LSAMP: variants seen among roughly 807,000 people sequenced by gnomAD.
LSAMP encodes limbic system associated membrane protein, also known as limbic system-associated membrane protein.
Under a neutral mutation model 38.6 loss-of-function variants are expected in LSAMP, and 7 were observed. The ratio of observed to expected loss-of-function variants is 0.18; its 90% CI spans 0.10 to 0.34. The LOEUF is 0.34. Ranked by LOEUF, LSAMP falls within the 10% of genes least tolerant of loss-of-function variation. The probability of loss-of-function intolerance (pLI) is 1.00; values close to 1 mark genes in which losing one functional copy is unlikely to be tolerated. For synonymous variants in LSAMP, 154 were observed against 166.8 expected, an observed-to-expected ratio of 0.92 and a Z score of 0.59; for missense variants, 313 against 420.0, an observed-to-expected ratio of 0.75 and a Z score of 2.23.
chr3:116,270,145 C>T (rs1317275869), intron 1 of LSAMP, among the ~76,000 whole-genome samples: 2 of 152,104 alleles, frequency 1.3e-5, no homozygotes, highest in Non-Finnish European at 2.9e-5. Context: ...AAGCAATATA[C>T]ATTTTAGGTC....
intron 3 of LSAMP, among the ~76,000 whole-genome samples, chr3:115,875,352 T>C (rs1319792251): frequency 6.6e-6 from 1 of 152,130 alleles, no homozygotes; most frequent in Non-Finnish European, 1.5e-5. Context: ...AGTGAAATAT[T>C]AAAGTAGGGG....
At chr3:115,820,020 CACTT>C (rs1342782554) in intron 6 of LSAMP, among the ~76,000 whole-genome samples, 3 of 141,626 alleles carry the variant, frequency 2.1e-5, no homozygotes, top group East Asian at 3.9e-4. Flanking sequence ...GAGAAATAAA[CACTT>C]TTTTTTTTTT....
At chr3:115,852,770 C>G (rs1195814257) in intron 3 of LSAMP, among the ~76,000 whole-genome samples, 153 bp from the exon 4 acceptor site, 1 of 152,008 alleles carries the variant, frequency 6.6e-6, no homozygotes, top group Non-Finnish European at 1.5e-5. Flanking sequence ...AAGCAGACCT[C>G]AAGACAAAAA....
chr3:116,072,909 A>T (rs2107385940), intron 2 of LSAMP, among the ~76,000 whole-genome samples: 1 of 152,172 alleles, frequency 6.6e-6, no homozygotes. Context: ...CTTTAGTTTA[A>T]TTAGATCCTA....
intron 3 of LSAMP, among the ~76,000 whole-genome samples, chr3:115,933,483 C>A (rs1393960038): frequency 2.6e-5 from 4 of 152,118 alleles, no homozygotes; most frequent in Non-Finnish European, 5.9e-5. Context: ...AAATTATTAA[C>A]ATTAAGAGAA....
rs140551463 is a variant in LSAMP, at chr3:116,214,962, C to T, written c.156-128406G>A. Among the ~76,000 whole-genome samples, 310 of 152,180 alleles carry T rather than the reference C, an allele frequency of 2.0e-3. 3 individuals are homozygous for T. The highest frequency in any genetic ancestry group is 0.01 in the Middle Eastern group (3 of 290). On this transcript the variant is annotated intron_variant, in intron 1 of 6. Coordinates refer to ENST00000490035, the MANE Select transcript of LSAMP (RefSeq NM_002338.5). ...AAGTCTTAGAAGGACTGGAAGTTAA[C>T]GAAATAACCACCCTCTCCAAGAAAT...
intron 1 of LSAMP, among the ~76,000 whole-genome samples, chr3:116,096,735 C>T (rs1026299642): frequency 5.9e-5 from 9 of 152,144 alleles, no homozygotes; most frequent in African/African-American, 1.7e-4. Context: ...GCTTTGTGAT[C>T]CCCTGAGATC....
chr3:116,424,534 A>G (rs2049169372), intron 1 of LSAMP, among the ~76,000 whole-genome samples: 1 of 152,252 alleles, frequency 6.6e-6, no homozygotes, highest in Non-Finnish European at 1.5e-5. Context: ...AGGACAACCC[A>G]GAATACGGCA....
At chr3:115,873,126 T>G (rs1352725578) in intron 3 of LSAMP, among the ~76,000 whole-genome samples, 4 of 152,048 alleles carry the variant, frequency 2.6e-5, no homozygotes, top group Admixed American at 2.6e-4. Flanking sequence ...TCCCAGCACT[T>G]TGGGAGGCCA....
chr3:115,813,051 CAT>C (rs1437748761), intron 6 of LSAMP, among the ~76,000 whole-genome samples: 3 of 151,940 alleles, frequency 2.0e-5, no homozygotes, highest in East Asian at 1.9e-4. Context: ...GATATACACA[CAT>C]ATTATTGATC....
At chr3:115,985,241 C>G (rs1329964359) in intron 3 of LSAMP, among the ~76,000 whole-genome samples, 1 of 152,008 alleles carries the variant, frequency 6.6e-6, no homozygotes, top group Non-Finnish European at 1.5e-5. Flanking sequence ...AAAATCAGTA[C>G]CAAAGCGTTG....
intron 3 of LSAMP, among the ~76,000 whole-genome samples, chr3:115,930,695 G>A (rs1181008707): frequency 6.6e-6 from 1 of 152,144 alleles, no homozygotes; most frequent in Non-Finnish European, 1.5e-5. Flanking sequence ...CGACTTTAAA[G>A]TGCAGTAAAG....
intron 1 of LSAMP, among the ~76,000 whole-genome samples, chr3:116,410,488 A>G (rs1180465674): frequency 7.5e-6 from 1 of 133,472 alleles, no homozygotes; most frequent in African/African-American, 3.6e-5. Flanking sequence ...TTACCTAATT[A>G]GCCATTTTTT....
chr3:115,935,766 T>A (rs1274796770), intron 3 of LSAMP, among the ~76,000 whole-genome samples: 1 of 152,136 alleles, frequency 6.6e-6, no homozygotes, highest in Non-Finnish European at 1.5e-5. Context: ...TCATGACAAT[T>A]CCAAGAAATA....
intron 3 of LSAMP, among the ~76,000 whole-genome samples, chr3:116,018,336 AC>A (rs1363037434): frequency 1.3e-5 from 2 of 152,148 alleles, no homozygotes; most frequent in Non-Finnish European, 2.9e-5. Flanking sequence ...TTCACACCAC[AC>A]AATACAGATA....
chr3:116,185,560 C>A (rs1576418659), intron 1 of LSAMP, among the ~76,000 whole-genome samples: 1 of 152,098 alleles, frequency 6.6e-6, no homozygotes, highest in East Asian at 1.9e-4. Flanking sequence ...CCTTCATGTA[C>A]AAGATGTCCC....
At chr3:115,946,026 C>T (rs1938086428) in intron 3 of LSAMP, among the ~76,000 whole-genome samples, 1 of 152,146 alleles carries the variant, frequency 6.6e-6, no homozygotes, top group African/African-American at 2.4e-5. Flanking sequence ...ATATTTAACA[C>T]ATTTTGATTG....
intron 3 of LSAMP, among the ~76,000 whole-genome samples, chr3:115,925,470 C>T (rs1456134557): frequency 6.6e-6 from 1 of 152,100 alleles, no homozygotes; most frequent in Non-Finnish European, 1.5e-5. Flanking sequence ...TGATGGGCCT[C>T]CATTTGCAAT....
intron 1 of LSAMP, among the ~76,000 whole-genome samples, chr3:116,150,810 T>C (rs1314280695): frequency 6.6e-6 from 1 of 151,938 alleles, no homozygotes; most frequent in Non-Finnish European, 1.5e-5. Context: ...ATTATGAGGA[T>C]GTAATGGCAT....
Sources: gnomAD v4.1 joint callset for allele counts (sites outside exome capture counted in the v4.1 genomes callset) on GRCh38, gnomAD v4.1.1 for gene constraint, MANE v1.5 for transcripts, NCBI Gene and HGNC (gene_info 2026-07-23, HGNC 2026-07-21) for gene names.